The following PXDNL variants were observed in gnomAD, a reference collection of about 807,000 sequenced individuals.
The protein encoded by PXDNL is probable oxidoreductase PXDNL.
In PXDNL, 145 loss-of-function variants were observed where a neutral mutation model predicts 150.8. The ratio of observed to expected loss-of-function variants is 0.96; its 90% CI spans 0.84 to 1.10. The LOEUF is 1.10. PXDNL is among the 50% of genes least tolerant of loss of function. The probability of loss-of-function intolerance (pLI) is 0.00; values close to 1 mark genes in which losing one functional copy is unlikely to be tolerated. For synonymous variants in PXDNL, 757 were observed against 725.7 expected, an observed-to-expected ratio of 1.04 and a Z score of -0.69; for missense variants, 2,087 against 1,873.9, an observed-to-expected ratio of 1.11 and a Z score of -2.10.
chr8:51,498,925 A>C (rs1453804148), intron 5 of PXDNL, among the ~76,000 whole-genome samples: 1 of 152,226 alleles, frequency 6.6e-6, no homozygotes. Context: ...TGAATATACA[A>C]CAGCTTATTT....
rs562911693 is a variant in PXDNL at position 51,408,733 on chromosome 8, T to A, written c.2891A>T (p.His964Leu). 1 of 1,590,362 alleles carries A rather than the reference T, an allele frequency of 6.3e-7. No individual in the cohort carries two copies. The highest frequency in any genetic ancestry group is 1.3e-5 in the African/African-American group (1 of 74,538). ...GGTGTGCATGGCGGCCAGAGCCAGA[T>A]GCTCGTTGGCCCGGTGGTCCCCGGC... ...FLAGDHRANEHLALAAMHTLW... is the reference protein window; with the variant it reads ...FLAGDHRANELLALAAMHTLW... The change falls in exon 17 of 23, where the codon CAT becomes CTT. Residue 964 changes from histidine to leucine, a missense_variant. Coordinates refer to ENST00000356297, the MANE Select transcript of PXDNL (RefSeq NM_144651.5).
intron 1 of PXDNL, among the ~76,000 whole-genome samples, chr8:51,760,252 C>T (rs2037147152): frequency 6.6e-6 from 1 of 152,016 alleles, no homozygotes; most frequent in African/African-American, 2.4e-5. Flanking sequence ...TTGCCTAACT[C>T]CACATTCTAG....
chr8:51,659,030 G>A (rs772697390), intron 1 of PXDNL, among the ~76,000 whole-genome samples: 4 of 151,958 alleles, frequency 2.6e-5, no homozygotes, highest in Admixed American at 6.6e-5. Flanking sequence ...ACTCAAGATC[G>A]GTCACTAGCA....
intron 2 of PXDNL, among the ~76,000 whole-genome samples, chr8:51,594,597 G>A (rs1400340559): frequency 2.0e-5 from 3 of 152,206 alleles, no homozygotes; most frequent in Admixed American, 6.5e-5. Context: ...TAAAGTATGA[G>A]ATCAAACAAT....
At chr8:51,515,134 A>T (rs1265860358) in intron 4 of PXDNL, among the ~76,000 whole-genome samples, 1 of 152,226 alleles carries the variant, frequency 6.6e-6, no homozygotes. Context: ...TGAAGCCCCC[A>T]GGTGGATGCC....
chr8:51,725,626 T>C (rs1349858708), intron 1 of PXDNL, among the ~76,000 whole-genome samples: 2 of 152,300 alleles, frequency 1.3e-5, no homozygotes, highest in Admixed American at 1.3e-4. Context: ...CCCTTGAAGC[T>C]CCTCGTTGCA....
intron 1 of PXDNL, among the ~76,000 whole-genome samples, chr8:51,740,000 G>A (rs2036887352): frequency 6.6e-6 from 1 of 152,060 alleles, no homozygotes; most frequent in Non-Finnish European, 1.5e-5. Context: ...CATGTGTATA[G>A]GATCTGTATT....
At chr8:51,619,749 A>C (rs138060969) in intron 2 of PXDNL, among the ~76,000 whole-genome samples, 1 of 152,268 alleles carries the variant, frequency 6.6e-6, no homozygotes, top group Non-Finnish European at 1.5e-5. Flanking sequence ...GAGCCAATTA[A>C]ACCTCTTTTC....
intron 1 of PXDNL, among the ~76,000 whole-genome samples, chr8:51,781,888 C>T (rs960295245): frequency 6.6e-6 from 1 of 152,180 alleles, no homozygotes; most frequent in Non-Finnish European, 1.5e-5. Context: ...GCACTCTCAC[C>T]GCCAGCTTTG....
intron 8 of PXDNL, among the ~76,000 whole-genome samples, chr8:51,467,687 C>T (rs983078539): frequency 6.6e-6 from 1 of 152,028 alleles, no homozygotes; most frequent in Non-Finnish European, 1.5e-5. Flanking sequence ...CATTGTCTTG[C>T]TCAACATCTT....
chr8:51,388,186 G>T (rs2130829491), intron 17 of PXDNL, among the ~76,000 whole-genome samples: 1 of 152,076 alleles, frequency 6.6e-6, no homozygotes, highest in East Asian at 1.9e-4. Context: ...ATTGATGTAG[G>T]CTCTGTTTTG....
intron 4 of PXDNL, among the ~76,000 whole-genome samples, chr8:51,520,950 C>T (rs1470675971): frequency 1.3e-5 from 2 of 152,126 alleles, no homozygotes; most frequent in African/African-American, 4.8e-5. Flanking sequence ...GGCCAGGTGC[C>T]CTGGCTCATG....
intron 2 of PXDNL, among the ~76,000 whole-genome samples, chr8:51,639,751 C>A (rs956139567): frequency 3.3e-5 from 5 of 152,138 alleles, no homozygotes; most frequent in African/African-American, 1.2e-4. Flanking sequence ...CAGATGGATT[C>A]ACAGCCGAAT....
intron 17 of PXDNL, among the ~76,000 whole-genome samples, chr8:51,390,031 G>A (rs1488225778): frequency 6.6e-6 from 1 of 151,800 alleles, no homozygotes; most frequent in Non-Finnish European, 1.5e-5. Context: ...ATAAGCTAAT[G>A]ACTTCACTGG....
intron 12 of PXDNL, among the ~76,000 whole-genome samples, chr8:51,445,439 G>C (rs892681249): frequency 1.3e-5 from 2 of 152,152 alleles, no homozygotes; most frequent in African/African-American, 4.8e-5. Context: ...CCAATTGCTA[G>C]TGGTATTTTC....
intron 3 of PXDNL, among the ~76,000 whole-genome samples, chr8:51,566,736 A>G (rs1397123398): frequency 6.6e-6 from 1 of 151,352 alleles, no homozygotes. Flanking sequence ...TCAAAGAACC[A>G]GTTTTCACTT....
chr8:51,438,148 G>A (rs1339158213), intron 12 of PXDNL, among the ~76,000 whole-genome samples: 1 of 152,156 alleles, frequency 6.6e-6, no homozygotes, highest in Non-Finnish European at 1.5e-5. Context: ...TCAAAACACT[G>A]CTGAAAGAAA....
Position 51,754,642 on chromosome 8 carries a change from T to G in PXDNL, c.164+54539A>C, listed in dbSNP as rs540795317. Among the ~76,000 whole-genome samples the G allele has an allele frequency of 4.2e-4, 64 of 152,258 alleles. No homozygotes were observed. The South Asian group carries it at 0.013, about 31-fold the overall frequency. On this transcript the variant is annotated intron_variant, in intron 1 of 22. Coordinates refer to ENST00000356297, the MANE Select transcript of PXDNL (RefSeq NM_144651.5). ...CCTCAGCCTCCCTAGTAGCTGGGAC[T>G]ACAGGCGCCCGCCACCATGCCCGGC...
At chr8:51,453,470 C>T in intron 10 of PXDNL, 49 bp downstream of exon 10, 2 of 1,574,534 alleles carry the variant, frequency 1.3e-6, no homozygotes, top group Non-Finnish European at 1.7e-6. Flanking sequence ...AAATAATTTT[C>T]TGAGTGTGGC....
Sources: allele counts gnomAD v4.1 joint callset (sites outside exome capture counted in the v4.1 genomes callset), GRCh38; gene constraint gnomAD v4.1.1; transcripts MANE v1.5; gene names NCBI Gene and HGNC (gene_info 2026-07-23, HGNC 2026-07-21).